Variants in EP400 observed in about 807,000 individuals in gnomAD.
The protein encoded by EP400 is E1A-binding protein p400.
Under a neutral mutation model 354.1 loss-of-function variants are expected in EP400, and 105 were observed. The ratio of observed to expected loss-of-function variants is 0.30; its 90% CI spans 0.25 to 0.35. The LOEUF (loss-of-function observed/expected upper bound fraction) is 0.35, where lower values mean the gene tolerates loss of function less well. Ranked by LOEUF, EP400 falls within the 10% of genes least tolerant of loss-of-function variation. The probability of loss-of-function intolerance (pLI) is 1.00; values close to 1 mark genes in which losing one functional copy is unlikely to be tolerated. For missense variants in EP400, 3,280 were observed against 4,121.0 expected, an observed-to-expected ratio of 0.80 and a Z score of 5.59; for synonymous variants, 1,646 against 1,716.9, an observed-to-expected ratio of 0.96 and a Z score of 1.02.
chr12:131,952,705 G>C (rs536902478), intron 1 of EP400, among the ~76,000 whole-genome samples: 5 of 152,292 alleles, frequency 3.3e-5, no homozygotes, highest in Admixed American at 2.0e-4. Flanking sequence ...TCTGGTCTCA[G>C]TCTCCCACCG....
chr12:132,003,743 G>A (rs773768308), intron 12 of EP400, among the ~76,000 whole-genome samples: 2 of 152,144 alleles, frequency 1.3e-5, no homozygotes, highest in Non-Finnish European at 2.9e-5. Context: ...GAACATCATG[G>A]ACACACCACC....
rs1256919237 is a variant in EP400 at position 132,067,398 on chromosome 12, A to C, written c.8786A>C (p.Gln2929Pro). 1.2e-6 allele frequency: 2 copies of C among 1,613,566 alleles called. No homozygotes were observed. The highest frequency in any genetic ancestry group is 1.7e-6 in the Non-Finnish European group (2 of 1,180,038). ...GTGGCCCAGCCCGTGCACATGCAGC[A>C]GCTGCTGAAGCTGAAGCAGCAGGCC... ...TVVAQPVHMQ[Q>P]LLKLKQQAVQ... The change falls in exon 50 of 53, where the codon CAG (glutamine) becomes CCG (proline). Residue 2929 changes from glutamine to proline, a missense_variant. This residue lies in a region of EP400 where 279 missense variants were observed against 386.7 expected (regional missense o/e 0.72). Transcript: ENST00000389561. The surrounding 1 kb of genome is among the most constrained non-coding windows in gnomAD (Gnocchi z 5.3).
Position 132,028,084 on chromosome 12 carries a change from C to A in EP400, c.5177C>A (p.Ser1726Tyr), listed in dbSNP as rs565601753. ...QIYLVNERRC[S>Y]QAPVYGRDLL... is the part of the protein sequence containing the mutation. ...TATTTAGTCAACGAGCGGCGCTGTTCTCAAGCTCCAGTCTATGGCAGAGAC... is the reference window on the plus strand; with the variant it reads ...TATTTAGTCAACGAGCGGCGCTGTTATCAAGCTCCAGTCTATGGCAGAGAC... Residue 1726 changes from serine to tyrosine, a missense_variant, in exon 27 of 53, where the codon TCT (serine) becomes TAT (tyrosine). Physicochemically the swap from Ser to Tyr is moderately radical, Grantham distance 144 (BLOSUM62 -2). Around this residue, in one of 20 missense-constraint regions of EP400, gnomAD observed 459 missense variants for 496.9 expected, o/e 0.92. Transcript: ENST00000389561. 6.2e-7 allele frequency: 1 copy of A among 1,614,230 alleles called. No individual in the cohort carries two copies. Among genetic ancestry groups the A allele is most frequent in the Admixed American group, 1.7e-5 (1 of 60,026 alleles).
At chr12:132,055,062 C>T (rs768720320) in intron 44 of EP400, 37 bp from the exon 45 acceptor site, 3 of 1,613,698 alleles carry the variant, frequency 1.9e-6, no homozygotes, top group South Asian at 1.1e-5. Flanking sequence ...CCCCATTTCT[C>T]CTGGCGCTGT....
intron 19 of EP400, among the ~76,000 whole-genome samples, chr12:132,014,756 C>T (rs944192565): frequency 2.0e-5 from 3 of 152,212 alleles, no homozygotes; most frequent in Non-Finnish European, 4.4e-5. Context: ...CCCCCAGCCA[C>T]GTGCTGATGT....
chr12:132,045,171 C>G, intron 37 of EP400, 148 bp from the exon 38 acceptor site: 1 of 1,365,732 alleles, frequency 7.3e-7, no homozygotes, highest in Non-Finnish European at 9.8e-7. Flanking sequence ...CATGAAGGCC[C>G]GAAAGCAGGT....
chr12:132,001,778 CTA>C (rs1332242886), intron 12 of EP400, among the ~76,000 whole-genome samples: 1 of 152,238 alleles, frequency 6.6e-6, no homozygotes, highest in Admixed American at 6.5e-5. Flanking sequence ...TCACTCCTCA[CTA>C]TGTCTCCTCA....
intron 3 of EP400, among the ~76,000 whole-genome samples, chr12:131,981,153 C>T (rs912926372): frequency 6.6e-6 from 1 of 152,188 alleles, no homozygotes; most frequent in African/African-American, 2.4e-5. Context: ...CCACTGCCCG[C>T]TCTCCATGCT....
chr12:132,021,000 C>T, intron 22 of EP400, 79 bp from the exon 23 acceptor site: 1 of 1,438,960 alleles, frequency 6.9e-7, no homozygotes, highest in Admixed American at 2.6e-5. Flanking sequence ...TATTTTATTT[C>T]TTTAAAATTC....
rs1893824060 is a variant in EP400, at chr12:132,013,294, T to C, written c.3611+116T>C. ...AATGGCCTTTGAGCTAGAGAATTGC[T>C]TTTCATCTTCATCCCAGCACATGGG... On this transcript the variant is annotated intron_variant, in intron 17 of 52. Transcript: ENST00000389561. The surrounding 1 kb of genome is among the most constrained non-coding windows in gnomAD (Gnocchi z 4.5). The C allele has an allele frequency of 6.9e-7, 1 of 1,442,926 alleles. No homozygotes were observed. Among genetic ancestry groups the C allele is most frequent in the Non-Finnish European group, 9.2e-7 (1 of 1,083,100 alleles). 89.4% of individuals were successfully genotyped at this position (1,442,926 alleles called of 1,614,324 possible).
chr12:131,960,307 G>A (rs1247839885), intron 1 of EP400, among the ~76,000 whole-genome samples: 3 of 152,152 alleles, frequency 2.0e-5, no homozygotes, highest in Non-Finnish European at 4.4e-5. Flanking sequence ...CTCTCCAAGC[G>A]CCCACACAAG....
Position 132,027,365 on chromosome 12 carries a change from G to C in EP400, c.5015-72G>C. 2 of 1,491,118 alleles carry C rather than the reference G, an allele frequency of 1.3e-6. No individual in the cohort carries two copies. Among genetic ancestry groups the C allele is most frequent in the Non-Finnish European group, 1.9e-6 (2 of 1,071,368 alleles). The allele number at this position is 1,491,118 out of a possible 1,614,324, so 92.4% of individuals were successfully genotyped here. A position where few individuals can be genotyped will look rare whatever the true frequency, so the allele number is the denominator to read the frequency against. On this transcript the variant is annotated intron_variant, in intron 25 of 52. Coordinates refer to ENST00000389561, the MANE Select transcript of EP400 (RefSeq NM_015409.5). The surrounding 1 kb of genome is among the most constrained non-coding windows in gnomAD (Gnocchi z 4.9). ...TGCTGGTGGAGGGTGAGGTTCCATGGAGCATGCTGGTGTCAGATGAAATCC... is the reference window on the plus strand; with the variant it reads ...TGCTGGTGGAGGGTGAGGTTCCATGCAGCATGCTGGTGTCAGATGAAATCC...
intron 16 of EP400, 39 bp from the exon 17 acceptor site, chr12:132,012,970 G>A: frequency 3.9e-6 from 6 of 1,524,486 alleles, no homozygotes; most frequent in Non-Finnish European, 5.3e-6. Flanking sequence ...GAAAGACAGT[G>A]GAGTGTGAAG....
chr12:131,988,212 A>G (rs1332024085), intron 7 of EP400, among the ~76,000 whole-genome samples: 1 of 151,868 alleles, frequency 6.6e-6, no homozygotes, highest in Non-Finnish European at 1.5e-5. Context: ...TCTGGGAAGG[A>G]TACTTCCCTG....
In EP400 at chr12:132,079,725, T is replaced by C. The variant is rs549454995; in HGVS notation, c.*2052T>C. 1 of 152,274 alleles carries C rather than the reference T, an allele frequency of 6.6e-6. No individual in the cohort carries two copies. Among genetic ancestry groups the C allele is most frequent in the Non-Finnish European group, 1.5e-5 (1 of 68,040 alleles). 9.4% of individuals were successfully genotyped at this position (152,274 alleles called of 1,614,324 possible). On this transcript the variant is annotated 3_prime_UTR_variant, in exon 53 of 53. Transcript: ENST00000389561. ...TTAATGGGATTCTGAATATTTGCAA[T>C]GTGGAGTTTCCGCCCCGATCTCACG... is the stretch of plus-strand genomic sequence containing the variant.
At chr12:132,035,678 A>G (rs1310669532) in intron 30 of EP400, among the ~76,000 whole-genome samples, 1 of 147,578 alleles carries the variant, frequency 6.8e-6, no homozygotes, top group African/African-American at 2.5e-5. Context: ...CCAGGTTCAC[A>G]CAGAACGTCA....
intron 5 of EP400, among the ~76,000 whole-genome samples, chr12:131,983,931 C>A (rs1027569790): frequency 6.6e-6 from 1 of 151,062 alleles, no homozygotes; most frequent in African/African-American, 2.4e-5. Context: ...GACGGAGTTT[C>A]GCTCTTGTTA....
At position 131,992,249 on chromosome 12, in the gene EP400, CTA is replaced by C. The variant is rs1566176919; in HGVS notation, c.2737+21_2737+22del. The C allele has an allele frequency of 6.2e-7, 1 of 1,604,838 alleles. No individual in the cohort carries two copies. The highest frequency in any genetic ancestry group is 1.1e-5 in the South Asian group (1 of 90,200). ...GACGAAGGTCTGTTCCCCCTCAGCACTATCTTTGTCATCTCCAGGGCTGCTGA... is the reference window on the plus strand; with the variant it reads ...GACGAAGGTCTGTTCCCCCTCAGCACTCTTTGTCATCTCCAGGGCTGCTGA... On this transcript the variant is annotated intron_variant, in intron 11 of 52. Coordinates refer to ENST00000389561, the MANE Select transcript of EP400 (RefSeq NM_015409.5).
rs1896280805 is a variant in EP400, at chr12:132,077,734, T to C, written c.*61T>C. On this transcript the variant is annotated 3_prime_UTR_variant, in exon 53 of 53. Transcript: ENST00000389561. ...ACTACCTTCCTCACAGAAAACGCTTTATTAGTGAACCTTGGGACCATGTCA... is the reference window on the plus strand; with the variant it reads ...ACTACCTTCCTCACAGAAAACGCTTCATTAGTGAACCTTGGGACCATGTCA... The C allele has an allele frequency of 1.3e-6, 2 of 1,495,810 alleles. No homozygotes were observed. Among genetic ancestry groups the C allele is most frequent in the Admixed American group, 2.3e-5 (1 of 44,290 alleles). 92.7% of individuals were successfully genotyped at this position (1,495,810 alleles called of 1,614,324 possible). A position where few individuals can be genotyped will look rare whatever the true frequency, so the allele number is the denominator to read the frequency against.
Sources: allele counts gnomAD v4.1 joint callset (sites outside exome capture counted in the v4.1 genomes callset), GRCh38; gene constraint gnomAD v4.1.1; regional missense constraint gnomAD v4.1.1; non-coding constraint Gnocchi (gnomAD v3.1); transcripts MANE v1.5; gene names NCBI Gene and HGNC (gene_info 2026-07-23, HGNC 2026-07-21).